The following NEK7 variants were observed in gnomAD, a reference collection of about 807,000 sequenced individuals.
The protein encoded by NEK7 is serine/threonine-protein kinase Nek7.
Under a neutral mutation model 44.6 loss-of-function variants are expected in NEK7, and 18 were observed. The ratio of observed to expected loss-of-function variants is 0.40; its 90% CI spans 0.28 to 0.60. The LOEUF is 0.60. Ranked by LOEUF, NEK7 falls within the 20% of genes least tolerant of loss-of-function variation. The probability of loss-of-function intolerance (pLI) is 0.38; values close to 1 mark genes in which losing one functional copy is unlikely to be tolerated. For synonymous variants in NEK7, 130 were observed against 121.1 expected (o/e 1.07, Z -0.48); for missense variants, 256 against 366.5 (o/e 0.70, Z 2.46).
chr1:198,275,983 G>A (rs1267781988), intron 5 of NEK7, among the ~76,000 whole-genome samples: 1 of 151,612 alleles, frequency 6.6e-6, no homozygotes, highest in Non-Finnish European at 1.5e-5. Flanking sequence ...TCAAATTCAT[G>A]TCATTCTTTA....
At chr1:198,286,656 G>C (rs1200256802) in intron 7 of NEK7, among the ~76,000 whole-genome samples, 1 of 152,198 alleles carries the variant, frequency 6.6e-6, no homozygotes, top group Admixed American at 6.5e-5. Flanking sequence ...TAGGTCAGAA[G>C]TCCAATATGA....
At chr1:198,260,263 A>C (rs557301121) in intron 3 of NEK7, among the ~76,000 whole-genome samples, 1 of 151,944 alleles carries the variant, frequency 6.6e-6, no homozygotes, top group Admixed American at 6.6e-5. Context: ...TAATACTGGT[A>C]ATTTTTTTAA....
At chr1:198,163,479 A>G (rs908905979) in intron 1 of NEK7, among the ~76,000 whole-genome samples, 4 of 151,906 alleles carry the variant, frequency 2.6e-5, no homozygotes, top group Non-Finnish European at 5.9e-5. Context: ...ATGCCACCGC[A>G]CTCCCACCTG....
At chr1:198,198,799 C>T (rs1665322580) in intron 1 of NEK7, among the ~76,000 whole-genome samples, 1 of 152,228 alleles carries the variant, frequency 6.6e-6, no homozygotes, top group Admixed American at 6.5e-5. Flanking sequence ...CCCCACAATT[C>T]GTCGGTAGCC....
At chr1:198,260,408 T>G (rs982545431) in intron 3 of NEK7, among the ~76,000 whole-genome samples, 1 of 151,910 alleles carries the variant, frequency 6.6e-6, no homozygotes, top group Non-Finnish European at 1.5e-5. Flanking sequence ...CCACTCATAG[T>G]CCTTTCCTTT....
chr1:198,256,302 G>C, intron 3 of NEK7: 1 of 1,585,768 alleles, frequency 6.3e-7, no homozygotes, highest in Non-Finnish European at 8.6e-7. Flanking sequence ...CAAAGGATGT[G>C]TTCAGCTCTG....
At chr1:198,206,378 T>G (rs930660744) in intron 1 of NEK7, among the ~76,000 whole-genome samples, 20 of 152,144 alleles carry the variant, frequency 1.3e-4, no homozygotes, top group Admixed American at 4.6e-4. Flanking sequence ...AGATTCTGTT[T>G]TATGTGCTAG....
Position 198,301,422 on chromosome 1 carries a change from C to T in NEK7, c.798+4182C>T, listed in dbSNP as rs184530818. On this transcript the variant is annotated intron_variant, in intron 9 of 9. Coordinates refer to ENST00000367385, the MANE Select transcript of NEK7 (RefSeq NM_133494.3). ...CAAATTAGCCGGGCGTGGTGGCGGG[C>T]GCCTGTAGTCCCAGCTACTCGGGAG... is the stretch of plus-strand genomic sequence containing the variant. 7.8e-4 allele frequency among the ~76,000 whole-genome samples: 119 copies of T among 152,232 alleles called. 5 individuals are homozygous for T. The East Asian group carries it at 0.022, about 28-fold the overall frequency.
chr1:198,180,831 G>C (rs1664742661), intron 1 of NEK7, among the ~76,000 whole-genome samples: 1 of 152,018 alleles, frequency 6.6e-6, no homozygotes, highest in Non-Finnish European at 1.5e-5. Flanking sequence ...GTGTGAATAA[G>C]TAATGGGCTT....
intron 1 of NEK7, among the ~76,000 whole-genome samples, chr1:198,187,857 A>G (rs538726856): frequency 6.6e-6 from 1 of 152,370 alleles, no homozygotes; most frequent in South Asian, 2.1e-4. Flanking sequence ...GTACAAAGGT[A>G]CAAGGTTATG....
chr1:198,174,070 A>G (rs2102727107), intron 1 of NEK7, among the ~76,000 whole-genome samples: 1 of 152,334 alleles, frequency 6.6e-6, no homozygotes, highest in Middle Eastern at 3.4e-3. Context: ...AATTTGGCAG[A>G]GTTTGGTGAG....
At chr1:198,209,701 A>G (rs777938822) in intron 1 of NEK7, among the ~76,000 whole-genome samples, 33 of 151,768 alleles carry the variant, frequency 2.2e-4, no homozygotes, top group Non-Finnish European at 4.1e-4. Flanking sequence ...GAGTCTCGCT[A>G]TGTTGCCCAG....
intron 1 of NEK7, among the ~76,000 whole-genome samples, chr1:198,215,607 CA>C (rs2102829323): frequency 6.6e-6 from 1 of 152,098 alleles, no homozygotes; most frequent in African/African-American, 2.4e-5. Flanking sequence ...CTAAAAGATA[CA>C]GATTGGCAGA....
intron 9 of NEK7, among the ~76,000 whole-genome samples, chr1:198,316,900 CT>C (rs1374621297): frequency 2.6e-5 from 4 of 152,214 alleles, no homozygotes; most frequent in Non-Finnish European, 5.9e-5. Flanking sequence ...CAAGCCTTCC[CT>C]TGTGGACAGG....
At chr1:198,265,011 T>C (rs1653602891) in intron 5 of NEK7, among the ~76,000 whole-genome samples, 1 of 152,104 alleles carries the variant, frequency 6.6e-6, no homozygotes, top group African/African-American at 2.4e-5. Context: ...GTTATTGTTA[T>C]TATTTCTCTG....
At position 198,321,159 on chromosome 1, in the gene NEK7, T is replaced by G. The variant is rs1392135014; in HGVS notation, c.*1637T>G. 7.9e-5 allele frequency: 12 copies of G among 152,344 alleles called. No homozygotes were observed. The highest frequency in any genetic ancestry group is 1.2e-4 in the Non-Finnish European group (8 of 68,022). The allele number at this position is 152,344 out of a possible 1,614,324, so 9.4% of individuals were successfully genotyped here. On this transcript the variant is annotated 3_prime_UTR_variant, in exon 10 of 10. Coordinates refer to ENST00000367385, the MANE Select transcript of NEK7 (RefSeq NM_133494.3). The stretch of plus-strand genomic sequence containing the variant: ...TTTTCTTACACTCATTTGAATGCTT[T>G]CAAGCATTTGTAAACTTAAAAAATG...
chr1:198,242,034 A>T (rs1666698057), intron 2 of NEK7, among the ~76,000 whole-genome samples: 1 of 152,024 alleles, frequency 6.6e-6, no homozygotes, highest in Non-Finnish European at 1.5e-5. Flanking sequence ...AGCACTATTC[A>T]TCTGTGTGCT....
At chr1:198,201,794 C>T (rs919399247) in intron 1 of NEK7, among the ~76,000 whole-genome samples, 3 of 152,012 alleles carry the variant, frequency 2.0e-5, no homozygotes, top group Non-Finnish European at 4.4e-5. Context: ...AGTTTTTGCA[C>T]CAGAGATTTG....
intron 2 of NEK7, among the ~76,000 whole-genome samples, chr1:198,236,055 A>G (rs1269451855): frequency 6.6e-6 from 1 of 152,138 alleles, no homozygotes; most frequent in Admixed American, 6.5e-5. Flanking sequence ...GGAGGGATGA[A>G]ATAAAGTTTA....
Sources: allele counts gnomAD v4.1 joint callset (sites outside exome capture counted in the v4.1 genomes callset), GRCh38; gene constraint gnomAD v4.1.1; transcripts MANE v1.5; gene names NCBI Gene and HGNC (gene_info 2026-07-23, HGNC 2026-07-21).